PRDM11: variants seen among roughly 807,000 people sequenced by gnomAD.
PRDM11 encodes the protein PR domain-containing protein 11.
PRDM11 carries 20 observed loss-of-function variants against 97.8 expected under a neutral mutation model. That is an observed-to-expected ratio of 0.20 (90% CI 0.14 to 0.30). PRDM11 has a LOEUF of 0.30. Ranked by LOEUF, PRDM11 falls within the 10% of genes least tolerant of loss-of-function variation. The pLI, the probability that PRDM11 is intolerant of heterozygous loss-of-function variation, is 1.00. For missense variants in PRDM11, 1,139 were observed against 1,555.2 expected, an observed-to-expected ratio of 0.73 and a Z score of 4.50; for synonymous variants, 599 against 637.7, an observed-to-expected ratio of 0.94 and a Z score of 0.91.
chr11:45,226,411 G>A lies in PRDM11; in HGVS notation c.1786G>A (p.Ala596Thr). Residue 596 changes from alanine to threonine, a missense_variant, in exon 8 of 8, where the codon GCC becomes ACC. By Grantham distance (58) the Ala-to-Thr change is moderately conservative. Coordinates refer to ENST00000683152, the MANE Select transcript of PRDM11 (RefSeq NM_001384648.1). ...CRNMTLLFNTAYHLALEGRPY... is the reference protein window; with the variant it reads ...CRNMTLLFNTTYHLALEGRPY... ...CAACATGACCCTGCTCTTCAACACC[G>A]CCTACCACCTGGCCTTGGAGGGCAG... 6 of 1,533,982 alleles carry A rather than the reference G, an allele frequency of 3.9e-6. No individual in the cohort carries two copies. The highest frequency in any genetic ancestry group is 1.4e-5 in the African/African-American group (1 of 73,092).
chr11:45,186,626 G>A (rs188469749), intron 4 of PRDM11, among the ~76,000 whole-genome samples: 7 of 152,258 alleles, frequency 4.6e-5, no homozygotes, highest in Admixed American at 2.6e-4. Context: ...TCTCATGGGC[G>A]GAAGCCAGAT....
At chr11:45,110,134 G>A (rs761188325) in intron 1 of PRDM11, among the ~76,000 whole-genome samples, 7 of 152,226 alleles carry the variant, frequency 4.6e-5, no homozygotes, top group African/African-American at 9.6e-5. Context: ...ACCCCTGGGA[G>A]GGACAGTACC....
At chr11:45,197,578 G>A (rs1035684292) in intron 4 of PRDM11, among the ~76,000 whole-genome samples, 6 of 152,032 alleles carry the variant, frequency 3.9e-5, no homozygotes, top group South Asian at 4.2e-4. Context: ...TTGTGGCGAC[G>A]GTTTGACAGG....
At chr11:45,138,479 G>A (rs139825745) in intron 1 of PRDM11, among the ~76,000 whole-genome samples, 36 of 152,268 alleles carry the variant, frequency 2.4e-4, no homozygotes, top group African/African-American at 8.7e-4. Flanking sequence ...GAGGTGGAAG[G>A]ATCGCTTGAG....
intron 5 of PRDM11, among the ~76,000 whole-genome samples, chr11:45,210,398 C>T (rs1008338348): frequency 2.2e-4 from 33 of 152,240 alleles, no homozygotes; most frequent in African/African-American, 6.8e-4. Context: ...AGTTGGGGCT[C>T]AGCAGAAGGG....
chr11:45,187,927 G>T (rs960798676), intron 4 of PRDM11, among the ~76,000 whole-genome samples: 2 of 152,096 alleles, frequency 1.3e-5, no homozygotes, highest in African/African-American at 4.8e-5. Context: ...AGGCCAAATG[G>T]TGGGAGAGTA....
chr11:45,149,222 C>T (rs977201701), intron 1 of PRDM11, among the ~76,000 whole-genome samples: 34 of 152,232 alleles, frequency 2.2e-4, no homozygotes, highest in African/African-American at 8.0e-4. Context: ...CAAATAGGAT[C>T]ATATCAGGCA....
Position 45,181,776 on chromosome 11 carries a change from A to C in PRDM11, c.10A>C (p.Asn4His), listed in dbSNP as rs146756170. ...TGCGTCCCAGGACAGAATGACCGAG[A>C]ACATGAAGGAGTGCTTGGCCCAGAC... MTE[N>H]MKECLAQTNA... The change falls in exon 2 of 8, where the codon AAC becomes CAC. Residue 4 changes from asparagine to histidine, a missense_variant. This residue lies in a region of PRDM11 where 429 missense variants were observed against 510.3 expected (regional missense o/e 0.84). Coordinates refer to ENST00000683152, the MANE Select transcript of PRDM11 (RefSeq NM_001384648.1). 3.7e-6 allele frequency: 6 copies of C among 1,613,086 alleles called. No homozygotes were observed. In the African/African-American group the frequency reaches 8.0e-5, roughly 22 times the overall value.
chr11:45,141,655 C>G (rs1447142104), upstream of PRDM11, among the ~76,000 whole-genome samples: 2 of 152,160 alleles, frequency 1.3e-5, no homozygotes, highest in Non-Finnish European at 2.9e-5. Context: ...CCAACCTGAC[C>G]AACAGATGCC....
intron 5 of PRDM11, chr11:45,209,279 C>T (rs2135809999): frequency 2.7e-6 from 1 of 365,102 alleles, no homozygotes; most frequent in Non-Finnish European, 5.5e-6. Flanking sequence ...ATGGCACCGA[C>T]AGCCCTTCGA....
intron 1 of PRDM11, among the ~76,000 whole-genome samples, chr11:45,111,179 G>A (rs1852169719): frequency 6.6e-6 from 1 of 152,066 alleles, no homozygotes; most frequent in South Asian, 2.1e-4. Flanking sequence ...TTGACTTACT[G>A]TGATGGAAGA....
In PRDM11 at chr11:45,211,741, C is replaced by T. The variant is rs144429312; in HGVS notation, c.554+6963C>T. Among the ~76,000 whole-genome samples, 202 of 152,070 alleles carry T rather than the reference C, an allele frequency of 1.3e-3. 1 individual carries two copies. Among genetic ancestry groups the T allele is most frequent in the African/African-American group, 4.7e-3 (193 of 41,474 alleles). On this transcript the variant is annotated intron_variant, in intron 5 of 7. Transcript: ENST00000683152. ...CCCTTCCCACTCTTCCCCCCAAGTC[C>T]GCAAAGTCCGTTGTATCAATCTTAT...
At chr11:45,187,377 C>A (rs1446917847) in intron 4 of PRDM11, among the ~76,000 whole-genome samples, 4 of 152,206 alleles carry the variant, frequency 2.6e-5, no homozygotes, top group African/African-American at 7.2e-5. Flanking sequence ...TATTAGGATC[C>A]CTTTCTGCAG....
chr11:45,225,919 G>A (rs956919001), intron 7 of PRDM11, 76 bp from the exon 8 acceptor site: 22 of 1,427,256 alleles, frequency 1.5e-5, no homozygotes, highest in Non-Finnish European at 1.9e-5. Context: ...TACCTTCCAG[G>A]AGTGTTTCCT....
chr11:45,109,992 C>T (rs1399439374), intron 1 of PRDM11, among the ~76,000 whole-genome samples: 1 of 152,184 alleles, frequency 6.6e-6, no homozygotes, highest in East Asian at 1.9e-4. Context: ...CCTGTGTGAC[C>T]TGCTGATAGC....
Position 45,231,443 on chromosome 11 carries a change from T to G in PRDM11, c.*3284T>G, listed in dbSNP as rs1854397822. 1 of 152,186 alleles carries G rather than the reference T, an allele frequency of 6.6e-6. No individual in the cohort carries two copies. The highest frequency in any genetic ancestry group is 6.5e-5 in the Admixed American group (1 of 15,276). The allele number at this position is 152,186 out of a possible 1,614,324, so 9.4% of individuals were successfully genotyped here. On this transcript the variant is annotated 3_prime_UTR_variant, in exon 8 of 8. Coordinates refer to ENST00000683152, the MANE Select transcript of PRDM11 (RefSeq NM_001384648.1). ...GTTGGTGGATCCCAAATGTTGTTAC[T>G]TCAGACAAGACAGAGCCCTTTAACT...
chr11:45,122,226 C>CAA, intron 1 of PRDM11, among the ~76,000 whole-genome samples: 1 of 138,262 alleles, frequency 7.2e-6, no homozygotes, highest in East Asian at 2.0e-4. Flanking sequence ...CACACACACA[C>CAA]ACACACACAC....
At chr11:45,188,881 A>G (rs1197070225) in intron 4 of PRDM11, among the ~76,000 whole-genome samples, 2 of 152,200 alleles carry the variant, frequency 1.3e-5, no homozygotes, top group Non-Finnish European at 2.9e-5. Flanking sequence ...GAGGAAGCCA[A>G]CATGGGATTT....
rs1452183606 is a variant in PRDM11, at chr11:45,227,667, T to C, written c.3042T>C (p.Asp1014=). 6.5e-7 allele frequency: 1 copy of C among 1,533,816 alleles called. No individual in the cohort carries two copies. The highest frequency in any genetic ancestry group is 8.7e-7 in the Non-Finnish European group (1 of 1,146,698). Residue 1014 remains aspartate (D), a synonymous_variant, in exon 8 of 8, where the codon GAT becomes GAC. Coordinates refer to ENST00000683152, the MANE Select transcript of PRDM11 (RefSeq NM_001384648.1). The surrounding 1 kb of genome is among the most constrained non-coding windows in gnomAD (Gnocchi z 8.0). The part of the protein sequence containing the change: ...YGKEDMVQIF[D]HLEAIPTFSR... ...AGGAGGATATGGTGCAAATATTTGA[T>C]CACCTGGAGGCCATCCCGACCTTTT...
Sources: gnomAD v4.1 joint callset for allele counts (sites outside exome capture counted in the v4.1 genomes callset) on GRCh38, gnomAD v4.1.1 for gene constraint, gnomAD v4.1.1 regional missense constraint, Gnocchi (gnomAD v3.1) non-coding constraint, MANE v1.5 for transcripts, NCBI Gene and HGNC (gene_info 2026-07-23, HGNC 2026-07-21) for gene names.